The following SLC60A1 variants were observed in gnomAD, a reference collection of about 807,000 sequenced individuals.
SLC60A1 encodes solute carrier family 60 member 1, also known as major facilitator superfamily domain containing 4.
chr1:205,584,040 C>T, the SLC60A1 span: 3 of 1,614,098 alleles, frequency 1.9e-6, no homozygotes, highest in Non-Finnish European at 2.5e-6. Flanking sequence ...CTGCTTCTGT[C>T]TGCTGATGAG....
chr1:205,588,469 C>CAAAAAAAAAAAAAAAAAAAAAAAAAAAAA, the SLC60A1 span, among the ~76,000 whole-genome samples: 1 of 84,732 alleles, frequency 1.2e-5, no homozygotes, highest in Non-Finnish European at 2.1e-5. Context: ...GACTTCAAAT[C>CAAAAAAAAAAAAAAAAAAAAAAAAAAAAA]AAAAAAAAAA....
At chr1:205,579,693 A>G in the SLC60A1 span, 1 of 1,589,672 alleles carries the variant, frequency 6.3e-7, no homozygotes. Flanking sequence ...TGAATGGAGG[A>G]GAAGGGGGAG....
At chr1:205,597,373 G>GTTTTTTGTTTT in the SLC60A1 span, among the ~76,000 whole-genome samples, 3 of 37,228 alleles carry the variant, frequency 8.1e-5, no homozygotes, top group African/African-American at 6.6e-5. Flanking sequence ...AACCTAGGTT[G>GTTTTTTGTTTT]TTTTTTTTTT....
At chr1:205,585,931 C>T in the SLC60A1 span, 2 of 1,293,696 alleles carry the variant, frequency 1.5e-6, no homozygotes, top group Non-Finnish European at 2.1e-6. The surrounding 1 kb of genome is among the most constrained non-coding windows in gnomAD (Gnocchi z 4.2). Flanking sequence ...ACAGGCAGTC[C>T]TCCCTCTGCC....
chr1:205,578,285 C>A, the SLC60A1 span, among the ~76,000 whole-genome samples: 2 of 152,224 alleles, frequency 1.3e-5, no homozygotes, highest in African/African-American at 4.8e-5. Flanking sequence ...TAGGAGGCTG[C>A]CTAGTCTGTC....
the SLC60A1 span, among the ~76,000 whole-genome samples, chr1:205,594,226 A>G: frequency 6.6e-6 from 1 of 152,260 alleles, no homozygotes; most frequent in Middle Eastern, 3.2e-3. Flanking sequence ...AGGGCCCAGG[A>G]GCCCTCAGAC....
chr1:205,584,217 G>GTTTTT, the SLC60A1 span: 5 of 689,158 alleles, frequency 7.3e-6, no homozygotes, highest in African/African-American at 5.0e-5. Flanking sequence ...GATCACAGGT[G>GTTTTT]ATTTTTTTTT....
At chr1:205,572,585 G>C in the SLC60A1 span, among the ~76,000 whole-genome samples, 3 of 152,002 alleles carry the variant, frequency 2.0e-5, no homozygotes, top group Non-Finnish European at 2.9e-5. Context: ...CAGTTGCCCA[G>C]GCCACCCCTA....
At chr1:205,580,568 A>G in the SLC60A1 span, 1 of 1,484,162 alleles carries the variant, frequency 6.7e-7, no homozygotes, top group Non-Finnish European at 9.2e-7. The surrounding 1 kb of genome is among the most constrained non-coding windows in gnomAD (Gnocchi z 5.0). Flanking sequence ...GAGGGGGCTC[A>G]GTGTGGGTCC....
the SLC60A1 span, chr1:205,595,281 A>G: frequency 6.6e-6 from 1 of 152,340 alleles, no homozygotes; most frequent in Admixed American, 6.5e-5. Flanking sequence ...TGATGGCACA[A>G]AAACTGTTCT....
At chr1:205,589,365 A>G in the SLC60A1 span, among the ~76,000 whole-genome samples, 1 of 152,186 alleles carries the variant, frequency 6.6e-6, no homozygotes, top group African/African-American at 2.4e-5. Flanking sequence ...GGGAGCAGAA[A>G]AAGATGAGGA....
the SLC60A1 span, among the ~76,000 whole-genome samples, chr1:205,587,892 GT>G: frequency 1.3e-5 from 2 of 152,192 alleles, no homozygotes; most frequent in African/African-American, 4.8e-5. Flanking sequence ...ACAGAGGAGA[GT>G]GGGTGGAAAT....
At chr1:205,589,824 T>C in the SLC60A1 span, among the ~76,000 whole-genome samples, 1 of 152,226 alleles carries the variant, frequency 6.6e-6, no homozygotes, top group Non-Finnish European at 1.5e-5. Flanking sequence ...AAACACAGAC[T>C]GTCTGTTATT....
the SLC60A1 span, among the ~76,000 whole-genome samples, chr1:205,574,480 C>CATTA: frequency 6.6e-6 from 1 of 152,066 alleles, no homozygotes; most frequent in Non-Finnish European, 1.5e-5. Context: ...TTATACCATC[C>CATTA]ATTAATTCAC....
the SLC60A1 span, among the ~76,000 whole-genome samples, chr1:205,580,361 G>A: frequency 6.6e-6 from 1 of 152,112 alleles, no homozygotes; most frequent in East Asian, 1.9e-4. The surrounding 1 kb of genome is among the most constrained non-coding windows in gnomAD (Gnocchi z 5.0). Flanking sequence ...CTAACATGGT[G>A]ATCAGTCCCA....
the SLC60A1 span, chr1:205,600,701 G>A: frequency 4.0e-6 from 2 of 495,546 alleles, no homozygotes; most frequent in Non-Finnish European, 7.2e-6. Flanking sequence ...GGTAAGAGCT[G>A]TCCAGATACC....
At chr1:205,583,709 G>C in the SLC60A1 span, among the ~76,000 whole-genome samples, 1 of 152,174 alleles carries the variant, frequency 6.6e-6, no homozygotes, top group Non-Finnish European at 1.5e-5. Context: ...CTTTGCATGC[G>C]ACAAATATCT....
At chr1:205,597,690 C>T in the SLC60A1 span, 1 of 1,362,372 alleles carries the variant, frequency 7.3e-7, no homozygotes, top group Admixed American at 1.7e-5. Flanking sequence ...AATGCATATG[C>T]CACTGTGCCT....
At chr1:205,569,211 A>T in the SLC60A1 span, 1 of 1,558,546 alleles carries the variant, frequency 6.4e-7, no homozygotes, top group Non-Finnish European at 8.7e-7. Context: ...TCAGACGCAC[A>T]GCTCGCTGCC....
Sources: allele counts gnomAD v4.1 joint callset (sites outside exome capture counted in the v4.1 genomes callset), GRCh38; gene constraint gnomAD v4.1.1; non-coding constraint Gnocchi (gnomAD v3.1); transcripts MANE v1.5; gene names NCBI Gene and HGNC (gene_info 2026-07-23, HGNC 2026-07-21).